Variants in AAK1 observed in about 807,000 individuals in gnomAD.
AAK1 encodes AP2-associated protein kinase 1.
In AAK1, 37 loss-of-function variants were observed where a neutral mutation model predicts 116.0. That is an observed-to-expected ratio of 0.32 (90% CI 0.25 to 0.42). AAK1 has a LOEUF of 0.42. AAK1 is among the 10% of genes least tolerant of loss of function. AAK1 has a pLI of 1.00. For synonymous variants in AAK1, 458 were observed against 439.9 expected (o/e 1.04, Z -0.51); for missense variants, 919 against 1,170.6 (o/e 0.79, Z 3.14).
intron 17 of AAK1, among the ~76,000 whole-genome samples, chr2:69,492,100 C>A (rs1343112050): frequency 5.3e-5 from 8 of 152,132 alleles, no homozygotes; most frequent in Admixed American, 4.6e-4. Flanking sequence ...TACCACCTAC[C>A]ACTCCCCAGT....
At position 69,463,073 on chromosome 2, in the gene AAK1, A is replaced by AT. The variant is rs1395341865; in HGVS notation, c.*12795dup. On this transcript the variant is annotated 3_prime_UTR_variant, in exon 22 of 22. Transcript: ENST00000409085. Reference sequence around the variant, plus strand: ...ACAAAGTATTGAAAAGTAGCTGCTCATTTTTTACTGCCAATATTCCTGAAC... The same window carrying AT: ...ACAAAGTATTGAAAAGTAGCTGCTCATTTTTTTACTGCCAATATTCCTGAAC... The AT allele has an allele frequency of 6.6e-6, 1 of 152,194 alleles. No homozygotes were observed. Among genetic ancestry groups the AT allele is most frequent in the Admixed American group, 6.5e-5 (1 of 15,286 alleles). The allele number at this position is 152,194 out of a possible 1,614,324, so 9.4% of individuals were successfully genotyped here.
intron 3 of AAK1, among the ~76,000 whole-genome samples, chr2:69,547,160 C>T (rs1009791210): frequency 6.6e-6 from 1 of 152,086 alleles, no homozygotes. Context: ...ACTAAAAATC[C>T]CTCAAAGAAA....
Sources: gnomAD v4.1 joint callset for allele counts (sites outside exome capture counted in the v4.1 genomes callset) on GRCh38, gnomAD v4.1.1 for gene constraint, MANE v1.5 for transcripts, NCBI Gene and HGNC (gene_info 2026-07-23, HGNC 2026-07-21) for gene names.